DYNC1I1: variants seen among roughly 807,000 people sequenced by gnomAD.
The protein encoded by DYNC1I1 is dynein cytoplasmic 1 intermediate chain 1, also known as cytoplasmic dynein 1 intermediate chain 1.
A neutral mutation model predicts 86.6 loss-of-function variants in DYNC1I1; 43 were observed. The ratio of observed to expected loss-of-function variants is 0.50; its 90% CI spans 0.39 to 0.64. The LOEUF is 0.64. Ranked by LOEUF, DYNC1I1 falls within the 30% of genes least tolerant of loss-of-function variation. DYNC1I1 has a pLI of 0.00. For missense variants in DYNC1I1, 604 were observed against 788.8 expected, an observed-to-expected ratio of 0.77 and a Z score of 2.81; for synonymous variants, 262 against 283.7, an observed-to-expected ratio of 0.92 and a Z score of 0.77.
chr7:95,921,481 C>G (rs1791608196), intron 6 of DYNC1I1, among the ~76,000 whole-genome samples: 1 of 152,162 alleles, frequency 6.6e-6, no homozygotes, highest in African/African-American at 2.4e-5. Context: ...TCCACAGTTT[C>G]CATCTTAGTG....
At chr7:96,082,190 C>T (rs146878310) in intron 16 of DYNC1I1, among the ~76,000 whole-genome samples, 29 of 151,788 alleles carry the variant, frequency 1.9e-4, no homozygotes, top group Non-Finnish European at 3.7e-4. Flanking sequence ...TTCTCATGGC[C>T]CTCATCAAAG....
At chr7:95,908,148 G>A (rs545547697) in intron 6 of DYNC1I1, among the ~76,000 whole-genome samples, 12 of 152,230 alleles carry the variant, frequency 7.9e-5, no homozygotes, top group Non-Finnish European at 1.8e-4. Context: ...AAACAACCAC[G>A]GGAGGAGATG....
At chr7:95,847,727 T>C (rs530421990) in intron 5 of DYNC1I1, among the ~76,000 whole-genome samples, 26 of 152,282 alleles carry the variant, frequency 1.7e-4, no homozygotes, top group African/African-American at 6.3e-4. Context: ...AAACCTTGTC[T>C]CTCAGACATA....
intron 4 of DYNC1I1, among the ~76,000 whole-genome samples, chr7:95,814,972 T>G (rs1015019770): frequency 6.6e-6 from 1 of 150,616 alleles, no homozygotes; most frequent in Non-Finnish European, 1.5e-5. Context: ...GCTGGCACAA[T>G]ATAATCACAT....
intron 10 of DYNC1I1, among the ~76,000 whole-genome samples, chr7:95,999,356 A>G (rs922056939): frequency 2.0e-5 from 3 of 152,000 alleles, no homozygotes; most frequent in Non-Finnish European, 4.4e-5. Flanking sequence ...CTTTTTGGTG[A>G]TTTGGTTTCT....
intron 6 of DYNC1I1, among the ~76,000 whole-genome samples, chr7:95,968,958 G>C (rs1793094038): frequency 6.6e-6 from 1 of 151,470 alleles, no homozygotes; most frequent in Non-Finnish European, 1.5e-5. Context: ...CCTCAAGGAG[G>C]CTCTATTCAC....
At chr7:96,090,953 C>T (rs1021467536) in intron 16 of DYNC1I1, among the ~76,000 whole-genome samples, 4 of 152,146 alleles carry the variant, frequency 2.6e-5, no homozygotes, top group Non-Finnish European at 4.4e-5. Flanking sequence ...GAGTTAAATA[C>T]AGTGGGGCTG....
chr7:96,012,188 C>T (rs1478385340), intron 10 of DYNC1I1, among the ~76,000 whole-genome samples: 1 of 152,064 alleles, frequency 6.6e-6, no homozygotes, highest in Non-Finnish European at 1.5e-5. Flanking sequence ...AGCACCTCTA[C>T]TGAGAGAGTA....
intron 9 of DYNC1I1, among the ~76,000 whole-genome samples, chr7:95,990,958 G>A (rs1409484897): frequency 6.6e-6 from 1 of 152,028 alleles, no homozygotes; most frequent in Admixed American, 6.6e-5. Context: ...TGAGCCTGGA[G>A]GCAGAGGTTG....
At chr7:96,053,200 A>G (rs1009909725) in intron 14 of DYNC1I1, among the ~76,000 whole-genome samples, 21 of 152,222 alleles carry the variant, frequency 1.4e-4, no homozygotes, top group African/African-American at 4.8e-4. Context: ...GACGAAGCCA[A>G]TTATGATTAC....
chr7:95,948,433 G>C (rs1300908761), intron 6 of DYNC1I1, among the ~76,000 whole-genome samples: 1 of 152,154 alleles, frequency 6.6e-6, no homozygotes, highest in East Asian at 1.9e-4. Flanking sequence ...TCTATCATCA[G>C]TATGGACTCA....
chr7:95,933,972 A>G (rs1006785742), intron 6 of DYNC1I1, among the ~76,000 whole-genome samples: 1 of 152,194 alleles, frequency 6.6e-6, no homozygotes, highest in Non-Finnish European at 1.5e-5. Flanking sequence ...ATTAGCCTAG[A>G]GAACAATCAC....
chr7:95,792,046 T>TC (rs780117677), intron 1 of DYNC1I1, among the ~76,000 whole-genome samples: 13 of 152,228 alleles, frequency 8.5e-5, no homozygotes, highest in Non-Finnish European at 1.8e-4. Context: ...GGACATAATG[T>TC]CTCCAATAGT....
intron 4 of DYNC1I1, among the ~76,000 whole-genome samples, chr7:95,826,831 G>C (rs1479194528): frequency 1.3e-5 from 2 of 152,164 alleles, no homozygotes; most frequent in Non-Finnish European, 1.5e-5. Flanking sequence ...TTTAAAGGAA[G>C]AACATTAAGG....
At position 95,939,985 on chromosome 7, in the gene DYNC1I1, C is replaced by T. The variant is rs1215458588; in HGVS notation, c.491-37527C>T. ...GCTTCCTTCAGGAGCTCTTTTAGGG[C>T]AGGCCTGGTGGTGACAAAATCTCTC... On this transcript the variant is annotated intron_variant, in intron 6 of 16. Coordinates refer to ENST00000447467, the MANE Select transcript of DYNC1I1 (RefSeq NM_001135556.2). Among the ~76,000 whole-genome samples, 3 of 152,048 alleles carry T rather than the reference C, an allele frequency of 2.0e-5. No homozygotes were observed. The East Asian group carries it at 5.8e-4, about 29-fold the overall frequency.
chr7:95,918,398 T>A (rs936195283), intron 6 of DYNC1I1, among the ~76,000 whole-genome samples: 1 of 152,192 alleles, frequency 6.6e-6, no homozygotes, highest in Non-Finnish European at 1.5e-5. Context: ...CTTTCTCTTG[T>A]TCTTCTCCTC....
downstream of DYNC1I1, among the ~76,000 whole-genome samples, chr7:96,100,650 T>TTTTGTGTGTGTGTG (rs376786905): frequency 7.0e-6 from 1 of 142,848 alleles, no homozygotes; most frequent in Admixed American, 7.1e-5. Context: ...TTTGAGGGTT[T>TTTTGTGTGTGTGTG]TGTGTGTGTG....
At chr7:95,984,315 A>G (rs1584225153) in intron 7 of DYNC1I1, among the ~76,000 whole-genome samples, 3 of 152,322 alleles carry the variant, frequency 2.0e-5, no homozygotes, top group African/African-American at 7.2e-5. Flanking sequence ...CAGCCTTACC[A>G]ACTAACCATT....
In DYNC1I1 at chr7:95,878,826, A is replaced by G. The variant is rs192475341; in HGVS notation, c.490+8828A>G. On this transcript the variant is annotated intron_variant, in intron 6 of 16. Coordinates refer to ENST00000447467, the MANE Select transcript of DYNC1I1 (RefSeq NM_001135556.2). ...AAGACAAGGAAAATATCCTGAAAGC[A>G]GCAAGAGAAAATGAATTTTCACTTA... 1.0e-3 allele frequency among the ~76,000 whole-genome samples: 159 copies of G among 152,268 alleles called. 2 individuals are homozygous for G. The highest frequency in any genetic ancestry group is 5.9e-3 in the Admixed American group (91 of 15,300).
Sources: allele counts gnomAD v4.1 joint callset (sites outside exome capture counted in the v4.1 genomes callset), GRCh38; gene constraint gnomAD v4.1.1; transcripts MANE v1.5; gene names NCBI Gene and HGNC (gene_info 2026-07-23, HGNC 2026-07-21).